The following IGF1R variants were observed in gnomAD, a reference collection of about 807,000 sequenced individuals.
IGF1R encodes the protein insulin like growth factor 1 receptor.
In IGF1R, 44 loss-of-function variants were observed where a neutral mutation model predicts 144.6. That is an observed-to-expected ratio of 0.30 (90% CI 0.24 to 0.39). The LOEUF is 0.39. IGF1R is among the 10% of genes least tolerant of loss of function. IGF1R has a pLI of 1.00. For synonymous variants in IGF1R, 795 were observed against 722.8 expected (o/e 1.10, Z -1.60); for missense variants, 1,355 against 1,833.7 (o/e 0.74, Z 4.77).
rs1353550020 is a variant in IGF1R at position 98,924,588 on chromosome 15, C to T, written c.2686C>T (p.Leu896=). The T allele has an allele frequency of 1.9e-6, 3 of 1,613,942 alleles. No homozygotes were observed. Among genetic ancestry groups the T allele is most frequent in the Non-Finnish European group, 2.5e-6 (3 of 1,179,916 alleles). Residue 896 remains leucine, a synonymous_variant, in exon 13 of 21, where the codon CTA becomes TTA. Coordinates refer to ENST00000650285, the MANE Select transcript of IGF1R (RefSeq NM_000875.5). ...RKYGGAKLNR[L]NPGNYTARIQ... The stretch of plus-strand genomic sequence containing the variant: ...GTATGGAGGGGCCAAGCTAAACCGG[C>T]TAAACCCGGGGAACTACACAGCCCG...
intron 2 of IGF1R, among the ~76,000 whole-genome samples, chr15:98,831,397 G>C (rs1382310223): frequency 6.6e-6 from 1 of 152,196 alleles, no homozygotes; most frequent in Non-Finnish European, 1.5e-5. Context: ...ACTGTTATCT[G>C]TTGTAGAACC....
intron 2 of IGF1R, among the ~76,000 whole-genome samples, chr15:98,735,721 T>C (rs1354939599): frequency 6.6e-6 from 1 of 152,248 alleles, no homozygotes; most frequent in Non-Finnish European, 1.5e-5. Flanking sequence ...TTTTGATGTG[T>C]GATCGCATTG....
At chr15:98,902,893 G>C (rs1302598588) in intron 5 of IGF1R, among the ~76,000 whole-genome samples, 3 of 152,150 alleles carry the variant, frequency 2.0e-5, no homozygotes, top group Non-Finnish European at 4.4e-5. Flanking sequence ...CCCTCAAAAA[G>C]TCTCCTGAGC....
intron 10 of IGF1R, 87 bp downstream of exon 10, chr15:98,916,963 G>A (rs2151683424): frequency 8.8e-7 from 1 of 1,141,822 alleles, no homozygotes; most frequent in Non-Finnish European, 1.3e-6. Context: ...TAGTGTGTAA[G>A]TCAGCAGCTG....
chr15:98,932,637 A>C (rs567412028), intron 15 of IGF1R, among the ~76,000 whole-genome samples: 7 of 152,316 alleles, frequency 4.6e-5, no homozygotes, highest in African/African-American at 1.7e-4. Flanking sequence ...AAATGGCTGG[A>C]GACAGTGAAC....
At chr15:98,869,166 A>G (rs2012632215) in intron 2 of IGF1R, among the ~76,000 whole-genome samples, 1 of 152,218 alleles carries the variant, frequency 6.6e-6, no homozygotes, top group Admixed American at 6.5e-5. Flanking sequence ...TTATTTAATA[A>G]CAGTTGACTG....
At chr15:98,774,687 G>GT in intron 2 of IGF1R, among the ~76,000 whole-genome samples, 1 of 149,976 alleles carries the variant, frequency 6.7e-6, no homozygotes, top group South Asian at 2.1e-4. Flanking sequence ...GGCTGCGGTG[G>GT]TGGGGGGGTG....
rs796070967 is a variant in IGF1R at position 98,852,430 on chromosome 15, C to A, written c.641-38895C>A. On this transcript the variant is annotated intron_variant, in intron 2 of 20. Coordinates refer to ENST00000650285, the MANE Select transcript of IGF1R (RefSeq NM_000875.5). ...GCCAATCACCAGGGCCCACCCTCCC[C>A]GCCGGCCAATCGCTGCGTTGGGAAA... Among the ~76,000 whole-genome samples the A allele has an allele frequency of 6.1e-4, 93 of 152,358 alleles. 1 individual carries two copies. Among genetic ancestry groups the A allele is most frequent in the African/African-American group, 2.1e-3 (88 of 41,584 alleles).
intron 2 of IGF1R, among the ~76,000 whole-genome samples, chr15:98,783,958 A>ATTT (rs71149420): frequency 3.8e-4 from 21 of 54,790 alleles, no homozygotes; most frequent in African/African-American, 1.4e-3. Context: ...GGCATCTGAA[A>ATTT]TTTTTTTTTT....
At chr15:98,893,677 C>A (rs1187001854) in intron 3 of IGF1R, 1 of 152,122 alleles carries the variant, frequency 6.6e-6, no homozygotes, top group Non-Finnish European at 1.5e-5. Flanking sequence ...CATTTGGAGG[C>A]CTTCAGTCGT....
intron 5 of IGF1R, among the ~76,000 whole-genome samples, chr15:98,903,127 G>A (rs1487801636): frequency 6.6e-6 from 1 of 152,148 alleles, no homozygotes; most frequent in African/African-American, 2.4e-5. Flanking sequence ...AAGGAAACAG[G>A]TTTTGTAATC....
At chr15:98,697,523 G>A (rs1034480428) in intron 1 of IGF1R, among the ~76,000 whole-genome samples, 2 of 151,924 alleles carry the variant, frequency 1.3e-5, no homozygotes, top group Non-Finnish European at 2.9e-5. Flanking sequence ...CCTGGTATGG[G>A]TGGCATCTTT....
chr15:98,868,359 GT>G (rs755693206), intron 2 of IGF1R, among the ~76,000 whole-genome samples: 51 of 78,232 alleles, frequency 6.5e-4, no homozygotes, highest in African/African-American at 1.2e-3. Flanking sequence ...AATCTGTTGG[GT>G]TTTTTTTTTT....
At chr15:98,938,550 G>T (rs758931306) in intron 17 of IGF1R, among the ~76,000 whole-genome samples, 25 of 152,238 alleles carry the variant, frequency 1.6e-4, no homozygotes, top group Middle Eastern at 3.4e-3. Flanking sequence ...CTTATTCCTG[G>T]TTTCCTCCAA....
chr15:98,772,791 T>C (rs1431208152), intron 2 of IGF1R, among the ~76,000 whole-genome samples: 1 of 150,732 alleles, frequency 6.6e-6, no homozygotes, highest in Non-Finnish European at 1.5e-5. Context: ...ACACCAGTCA[T>C]GATTTGGTGT....
chr15:98,665,617 G>T (rs2052717373), intron 1 of IGF1R, among the ~76,000 whole-genome samples: 2 of 152,200 alleles, frequency 1.3e-5, no homozygotes, highest in South Asian at 4.1e-4. Context: ...AAAACACTTA[G>T]ATTAAGTATC....
At position 98,957,461 on chromosome 15, in the gene IGF1R, G is replaced by C. The variant is rs763192319; in HGVS notation, c.*19G>C. On this transcript the variant is annotated 3_prime_UTR_variant, in exon 21 of 21. Transcript: ENST00000650285. The stretch of plus-strand genomic sequence containing the variant: ...CTGCTGATCCTTGGATCCTGAATCT[G>C]TGCAAACAGTAACGTGTGCGCACGC... 6.2e-7 allele frequency: 1 copy of C among 1,612,634 alleles called. No homozygotes were observed. The highest frequency in any genetic ancestry group is 8.5e-7 in the Non-Finnish European group (1 of 1,180,016).
At chr15:98,852,356 C>T (rs2011566093) in intron 2 of IGF1R, among the ~76,000 whole-genome samples, 1 of 152,142 alleles carries the variant, frequency 6.6e-6, no homozygotes, top group African/African-American at 2.4e-5. Context: ...CGCGCCCGCG[C>T]CGCCGCCGTG....
chr15:98,884,083 TC>T (rs1337632963), intron 2 of IGF1R, among the ~76,000 whole-genome samples: 1 of 152,168 alleles, frequency 6.6e-6, no homozygotes, highest in African/African-American at 2.4e-5. Context: ...CGAGCACATT[TC>T]TTTTAAAGGA....
Sources: allele counts gnomAD v4.1 joint callset (sites outside exome capture counted in the v4.1 genomes callset), GRCh38; gene constraint gnomAD v4.1.1; transcripts MANE v1.5; gene names NCBI Gene and HGNC (gene_info 2026-07-23, HGNC 2026-07-21).